The following MARK3 variants were observed in gnomAD, a reference collection of about 807,000 sequenced individuals.
MARK3 encodes the protein microtubule affinity regulating kinase 3.
A neutral mutation model predicts 90.1 loss-of-function variants in MARK3; 46 were observed. That is an observed-to-expected ratio of 0.51 (90% CI 0.40 to 0.65). The LOEUF is 0.65. MARK3 is among the 30% of genes least tolerant of loss of function. MARK3 has a pLI of 0.00. For synonymous variants in MARK3, 321 were observed against 332.6 expected, an observed-to-expected ratio of 0.97 and a Z score of 0.38; for missense variants, 818 against 947.2, an observed-to-expected ratio of 0.86 and a Z score of 1.79.
chr14:103,500,207 G>C lies in MARK3; in HGVS notation c.1916+7G>C, dbSNP rs1453860269. The C allele has an allele frequency of 6.3e-7, 1 of 1,589,512 alleles. No homozygotes were observed. The highest frequency in any genetic ancestry group is 1.9e-5 in the Admixed American group (1 of 52,872). On this transcript the variant is annotated splice_region_variant and intron_variant, in intron 17 of 17. Transcript: ENST00000429436. ...GGAGATATGAGGGCTCAAGGTGAGG[G>C]AAATGATTTTTACTTAAAATTTTTT... is the stretch of plus-strand genomic sequence containing the variant.
At chr14:103,467,674 C>CAAAAAAAAAA (rs10525116) in intron 11 of MARK3, 4,159 of 44,880 alleles carry the variant, frequency 0.093, 1,062 homozygotes, top group East Asian at 0.26. Context: ...GACTCTGTCT[C>CAAAAAAAAAA]AAAAAAAAAA....
At chr14:103,394,445 GA>G (rs1013416447) in intron 1 of MARK3, among the ~76,000 whole-genome samples, 10 of 152,228 alleles carry the variant, frequency 6.6e-5, no homozygotes, top group African/African-American at 2.4e-4. Context: ...TTGGAGGTGG[GA>G]GGGGCATCCA....
At chr14:103,467,012 A>AGG (rs2141597622) in intron 10 of MARK3, 67 bp from the exon 11 acceptor site, 1 of 640,112 alleles carries the variant, frequency 1.6e-6, no homozygotes, top group Non-Finnish European at 2.5e-6. Context: ...CTCAAAAAAA[A>AGG]AAAAAAAAAA....
chr14:103,441,057 G>A (rs191780329), intron 3 of MARK3, among the ~76,000 whole-genome samples: 3 of 151,524 alleles, frequency 2.0e-5, no homozygotes, highest in East Asian at 1.9e-4. Flanking sequence ...TGTGAAGTAC[G>A]TATTCATCTT....
At chr14:103,444,788 GTA>G (rs1406415433) in intron 3 of MARK3, among the ~76,000 whole-genome samples, 2 of 151,842 alleles carry the variant, frequency 1.3e-5, no homozygotes, top group Admixed American at 1.3e-4. Flanking sequence ...AAAAAAAAAA[GTA>G]GAAATAAGGT....
At chr14:103,470,557 G>A (rs1203617855) in intron 12 of MARK3, among the ~76,000 whole-genome samples, 1 of 138,102 alleles carries the variant, frequency 7.2e-6, no homozygotes, top group Non-Finnish European at 1.5e-5. Flanking sequence ...CTGGGTTCTA[G>A]CAATTCTCCT....
At chr14:103,442,974 A>G (rs147151201) in intron 3 of MARK3, among the ~76,000 whole-genome samples, 17 of 149,354 alleles carry the variant, frequency 1.1e-4, no homozygotes, top group African/African-American at 4.1e-4. Context: ...GGAAGTGAGA[A>G]GAGAGGCAAT....
intron 1 of MARK3, among the ~76,000 whole-genome samples, chr14:103,391,266 C>A (rs1341645037): frequency 6.6e-6 from 1 of 152,134 alleles, no homozygotes; most frequent in Non-Finnish European, 1.5e-5. Flanking sequence ...CGTTGAGAAA[C>A]CCTGGTATGT....
intron 2 of MARK3, among the ~76,000 whole-genome samples, chr14:103,407,166 C>T (rs1028222720): frequency 2.0e-5 from 3 of 152,144 alleles, no homozygotes; most frequent in African/African-American, 4.8e-5. Flanking sequence ...TTACTTTAAA[C>T]GTTGGAAATA....
chr14:103,466,670 G>A lies in MARK3; in HGVS notation c.997+228G>A, dbSNP rs2093509047. Among the ~76,000 whole-genome samples the A allele has an allele frequency of 2.0e-5, 3 of 152,174 alleles. No individual in the cohort carries two copies. The South Asian group carries it at 6.2e-4, about 31-fold the overall frequency. Reference sequence around the variant, plus strand: ...TTATGTTACAAAATATATGTAATATGTCATCTTTTAGGTCAAATGAAAATT... The same window carrying A: ...TTATGTTACAAAATATATGTAATATATCATCTTTTAGGTCAAATGAAAATT... On this transcript the variant is annotated intron_variant, in intron 10 of 17. Coordinates refer to ENST00000429436, the MANE Select transcript of MARK3 (RefSeq NM_001128918.3).
intron 2 of MARK3, among the ~76,000 whole-genome samples, chr14:103,407,055 G>A (rs957760720): frequency 3.3e-5 from 5 of 151,362 alleles, no homozygotes; most frequent in South Asian, 2.1e-4. Context: ...GGATGGTCTC[G>A]ATCTCATCTC....
intron 2 of MARK3, among the ~76,000 whole-genome samples, chr14:103,423,281 C>G (rs2092291115): frequency 7.5e-6 from 1 of 134,020 alleles, no homozygotes; most frequent in African/African-American, 2.8e-5. Context: ...GATCTTTTGA[C>G]CGTTGGTGAA....
chr14:103,387,922 A>G (rs774642851), intron 1 of MARK3, among the ~76,000 whole-genome samples: 1 of 151,414 alleles, frequency 6.6e-6, no homozygotes, highest in Non-Finnish European at 1.5e-5. Flanking sequence ...AGGATTTCAA[A>G]TGGGTCTTTT....
At chr14:103,481,753 A>ATT (rs1555400573) in intron 14 of MARK3, among the ~76,000 whole-genome samples, 4 of 50,950 alleles carry the variant, frequency 7.9e-5, no homozygotes, top group Non-Finnish European at 1.4e-4. Flanking sequence ...TGATATAGGT[A>ATT]TTTCTTTTTT....
chr14:103,423,452 T>A (rs1186494462), intron 2 of MARK3, among the ~76,000 whole-genome samples: 1 of 152,188 alleles, frequency 6.6e-6, no homozygotes, highest in African/African-American at 2.4e-5. Context: ...CCCAGAAATT[T>A]CCACAGCAAG....
intron 3 of MARK3, among the ~76,000 whole-genome samples, chr14:103,430,214 C>T (rs1201614207): frequency 6.6e-6 from 1 of 152,146 alleles, no homozygotes. Context: ...CCAGCTCTAT[C>T]CCAAGTTAAA....
At chr14:103,469,792 G>A (rs1468187644) in intron 12 of MARK3, among the ~76,000 whole-genome samples, 1 of 151,996 alleles carries the variant, frequency 6.6e-6, no homozygotes, top group Non-Finnish European at 1.5e-5. Context: ...GCCGGACATG[G>A]TGGCTCATGC....
At chr14:103,467,906 C>T (rs991498554) in intron 11 of MARK3, 127 bp from the exon 12 acceptor site, 18 of 866,236 alleles carry the variant, frequency 2.1e-5, no homozygotes, top group African/African-American at 1.9e-4. Context: ...CATTTTTGTA[C>T]GTTGTGATTC....
intron 12 of MARK3, among the ~76,000 whole-genome samples, chr14:103,474,052 CA>C (rs33989397): frequency 0.35 from 48,252 of 137,428 alleles, 8,549 homozygotes; most frequent in Middle Eastern, 0.45. Flanking sequence ...AAAATATATA[CA>C]AAAAAAAAAA....
Sources: gnomAD v4.1 joint callset for allele counts (sites outside exome capture counted in the v4.1 genomes callset) on GRCh38, gnomAD v4.1.1 for gene constraint, MANE v1.5 for transcripts, NCBI Gene and HGNC (gene_info 2026-07-23, HGNC 2026-07-21) for gene names.